Variants in RPS6KA2 observed in about 807,000 individuals in gnomAD.
The protein encoded by RPS6KA2 is ribosomal protein S6 kinase alpha-2.
In RPS6KA2, 42 loss-of-function variants were observed where a neutral mutation model predicts 91.8. The ratio of observed to expected loss-of-function variants is 0.46; its 90% CI spans 0.36 to 0.59. The LOEUF is 0.59. Among genes scored for constraint, RPS6KA2 ranks in the 20% least tolerant of loss-of-function variants. RPS6KA2 has a pLI of 0.00. For missense variants in RPS6KA2, 798 were observed against 978.5 expected, an observed-to-expected ratio of 0.82 and a Z score of 2.46; for synonymous variants, 414 against 393.6, an observed-to-expected ratio of 1.05 and a Z score of -0.61.
At chr6:166,855,429 GGAAGAAGAGGAA>G (rs1454445487) in intron 2 of RPS6KA2, among the ~76,000 whole-genome samples, 66 of 119,522 alleles carry the variant, frequency 5.5e-4, no homozygotes, top group South Asian at 5.5e-4. Context: ...AAGAAGAAGA[GGAAGAAGAGGAA>G]GAAGAAGAGG....
At chr6:166,629,294 AG>A (rs1489829849), upstream of RPS6KA2, among the ~76,000 whole-genome samples, 1 of 152,286 alleles carries the variant, frequency 6.6e-6, no homozygotes, top group Admixed American at 6.5e-5. Flanking sequence ...GCCCCAAGGC[AG>A]GCAGGCCTAA....
chr6:166,701,575 G>A, intron 2 of RPS6KA2: 2 of 1,414,692 alleles, frequency 1.4e-6, no homozygotes, highest in Non-Finnish European at 1.0e-6. Context: ...GCTGATGAGG[G>A]CTCTGACTGA....
At chr6:166,771,951 C>T (rs1778483520) in intron 2 of RPS6KA2, among the ~76,000 whole-genome samples, 2 of 152,254 alleles carry the variant, frequency 1.3e-5, no homozygotes, top group South Asian at 2.1e-4. Context: ...CCTCAGCCTA[C>T]ACCTCCTCTG....
At chr6:166,722,997 G>C (rs925777730) in intron 2 of RPS6KA2, among the ~76,000 whole-genome samples, 3 of 152,212 alleles carry the variant, frequency 2.0e-5, no homozygotes, top group Non-Finnish European at 4.4e-5. Context: ...ACCGTTAAGC[G>C]ATGCAAGGTT....
At chr6:166,679,574 G>A (rs758912400) in intron 2 of RPS6KA2, among the ~76,000 whole-genome samples, 2 of 152,234 alleles carry the variant, frequency 1.3e-5, no homozygotes, top group African/African-American at 2.4e-5. Flanking sequence ...GAGCTTGAAC[G>A]TGAAAGTGAG....
chr6:166,537,857 A>C (rs542560479), intron 2 of RPS6KA2, among the ~76,000 whole-genome samples: 1 of 152,262 alleles, frequency 6.6e-6, no homozygotes. Context: ...CAGAGCCTAT[A>C]TATTTCTAAC....
intron 1 of RPS6KA2, among the ~76,000 whole-genome samples, chr6:166,565,822 C>T (rs927847860): frequency 1.3e-5 from 2 of 152,216 alleles, no homozygotes; most frequent in Non-Finnish European, 2.9e-5. Context: ...TCAGCTAGCA[C>T]TCGGGACTCC....
At position 166,490,284 on chromosome 6, in the gene RPS6KA2, T is replaced by C. The variant is rs1324972852; in HGVS notation, c.818+387A>G. Among the ~76,000 whole-genome samples the C allele has an allele frequency of 6.6e-6, 1 of 152,142 alleles. No homozygotes were observed. Among genetic ancestry groups the C allele is most frequent in the African/African-American group, 2.4e-5 (1 of 41,422 alleles). On this transcript the variant is annotated intron_variant, in intron 9 of 20. Transcript: ENST00000265678. This position sits in a 1 kb window ranked among gnomAD's most constrained non-coding sequence, Gnocchi z 4.2. ...TCCGGACAAGGCCCTGGAGGCCTTG[T>C]GTCTTTTTCCGTCTATCCTTTACTT...
intron 20 of RPS6KA2, among the ~76,000 whole-genome samples, chr6:166,413,302 G>A (rs1258673646): frequency 2.0e-5 from 3 of 152,184 alleles, no homozygotes; most frequent in African/African-American, 7.2e-5. Context: ...CTGTTGAGGA[G>A]TCTGGACTCA....
At chr6:166,814,937 C>G (rs1403018672) in intron 2 of RPS6KA2, among the ~76,000 whole-genome samples, 1 of 152,174 alleles carries the variant, frequency 6.6e-6, no homozygotes, top group Non-Finnish European at 1.5e-5. Context: ...ATGTAATGCA[C>G]TTGAATCATC....
intron 1 of RPS6KA2, among the ~76,000 whole-genome samples, chr6:166,591,838 G>A (rs1182398508): frequency 6.6e-6 from 1 of 152,122 alleles, no homozygotes; most frequent in Non-Finnish European, 1.5e-5. Context: ...ACCCACCATG[G>A]CCACCTTCAA....
chr6:166,724,214 G>T (rs1790271058), intron 2 of RPS6KA2, among the ~76,000 whole-genome samples: 1 of 151,942 alleles, frequency 6.6e-6, no homozygotes, highest in Non-Finnish European at 1.5e-5. Context: ...TCTGATTTGT[G>T]GTATCCTAAC....
At chr6:166,528,824 T>C (rs1001713431) in intron 3 of RPS6KA2, among the ~76,000 whole-genome samples, 1 of 152,026 alleles carries the variant, frequency 6.6e-6, no homozygotes, top group Non-Finnish European at 1.5e-5. Context: ...GAAAAAATGC[T>C]CATCATCACT....
intron 5 of RPS6KA2, among the ~76,000 whole-genome samples, chr6:166,506,613 GC>G (rs1782235042): frequency 6.6e-6 from 1 of 152,180 alleles, no homozygotes. Flanking sequence ...CATGCAAGGA[GC>G]CCCACAGAAA....
At chr6:166,615,458 G>C (rs1786371205) in intron 1 of RPS6KA2, among the ~76,000 whole-genome samples, 1 of 152,230 alleles carries the variant, frequency 6.6e-6, no homozygotes, top group Admixed American at 6.5e-5. Context: ...TATCGGAGGG[G>C]ATGCCTTTTT....
rs1786923224 is a variant in RPS6KA2, at chr6:166,627,212, A to G, written c.-193T>C. On this transcript the variant is annotated 5_prime_UTR_variant, in exon 1 of 21. Transcript: ENST00000265678. ...CGCCGGCCACCGCGGCCGGGGCCAC[A>G]ATCGCTCCCTCCGCCTCCTTCTCCG... 6 of 1,033,660 alleles carry G rather than the reference A, an allele frequency of 5.8e-6. No individual in the cohort carries two copies. Among genetic ancestry groups the G allele is most frequent in the African/African-American group, 1.7e-5 (1 of 58,218 alleles). The allele number at this position is 1,033,660 out of a possible 1,614,324, so 64.0% of individuals were successfully genotyped here.
rs74995537 is a variant in RPS6KA2, at chr6:166,728,393, G to T, written c.123+129807C>A. Among the ~76,000 whole-genome samples the T allele has an allele frequency of 5.9e-3, 900 of 152,298 alleles. 5 individuals are homozygous for T. Among genetic ancestry groups the T allele is most frequent in the Non-Finnish European group, 0.01 (705 of 68,022 alleles). ...CCCCGGGGTCTCGTGAGCTTCCAGG[G>T]TAAGAAACTGCTGTCCCAGGGAGCG... On this transcript the variant is annotated intron_variant, in intron 2 of 21. Coordinates refer to the RPS6KA2 transcript ENST00000503859.
chr6:166,537,350 G>A (rs58004496), intron 2 of RPS6KA2, among the ~76,000 whole-genome samples: 5,665 of 152,322 alleles, frequency 0.037, 337 homozygotes, highest in African/African-American at 0.13. Flanking sequence ...GCATTCCACT[G>A]TCACATTACG....
intron 2 of RPS6KA2, among the ~76,000 whole-genome samples, chr6:166,791,438 T>C (rs1779085998): frequency 1.3e-5 from 2 of 152,088 alleles, no homozygotes; most frequent in African/African-American, 2.4e-5. Context: ...ACCCCACTGT[T>C]AACATTAGAC....
Sources: gnomAD v4.1 joint callset for allele counts (sites outside exome capture counted in the v4.1 genomes callset) on GRCh38, gnomAD v4.1.1 for gene constraint, Gnocchi (gnomAD v3.1) non-coding constraint, MANE v1.5 for transcripts, NCBI Gene and HGNC (gene_info 2026-07-23, HGNC 2026-07-21) for gene names.